STX5: variants seen among roughly 807,000 people sequenced by gnomAD.
STX5 encodes syntaxin-5.
A neutral mutation model predicts 42.9 loss-of-function variants in STX5; 15 were observed. The observed-to-expected ratio is 0.35, with a 90% CI of 0.23 to 0.54. The LOEUF (loss-of-function observed/expected upper bound fraction) is 0.54, where lower values mean the gene tolerates loss of function less well. Ranked by LOEUF, STX5 falls within the 20% of genes least tolerant of loss-of-function variation. The pLI, the probability that STX5 is intolerant of heterozygous loss-of-function variation, is 0.91. For missense variants in STX5, 430 were observed against 455.0 expected (o/e 0.95, Z 0.50); for synonymous variants, 184 against 173.2 (o/e 1.06, Z -0.49).
intron 10 of STX5, among the ~76,000 whole-genome samples, chr11:62,815,367 G>A (rs114162757): frequency 0.014 from 2,182 of 151,832 alleles, 50 homozygotes; most frequent in African/African-American, 0.049. Flanking sequence ...TCGCTCTGTC[G>A]TAACACTCAC....
chr11:62,809,622 G>A (rs2084593056), intron 10 of STX5, among the ~76,000 whole-genome samples: 1 of 135,496 alleles, frequency 7.4e-6, no homozygotes, highest in Non-Finnish European at 1.5e-5. Flanking sequence ...TGCAGTGAGT[G>A]GAGATCGCAC....
intron 10 of STX5, 46 bp downstream of exon 10, chr11:62,824,120 G>A (rs1213068912): frequency 5.0e-6 from 8 of 1,613,108 alleles, no homozygotes; most frequent in Middle Eastern, 1.6e-4. Context: ...GCCAATCCAC[G>A]GGGAAGAGAA....
chr11:62,809,546 C>T (rs1298891779), intron 10 of STX5, among the ~76,000 whole-genome samples: 2 of 150,486 alleles, frequency 1.3e-5, no homozygotes, highest in African/African-American at 4.9e-5. Flanking sequence ...TGGTGGCGGG[C>T]GCCTGTAGTC....
At chr11:62,830,279 G>T in intron 2 of STX5, 1 of 223,298 alleles carries the variant, frequency 4.5e-6, no homozygotes, top group Non-Finnish European at 9.5e-6. Flanking sequence ...GGAATTACAG[G>T]TATGAGCCAC....
At chr11:62,831,771 C>T (rs2084870364) in intron 1 of STX5, among the ~76,000 whole-genome samples, 183 bp downstream of exon 1, 2 of 147,660 alleles carry the variant, frequency 1.4e-5, no homozygotes, top group South Asian at 2.2e-4. Context: ...TTAGCTAAGG[C>T]CGACGTCTCT....
rs758896739 is a variant in STX5 at position 62,807,457 on chromosome 11, A to G, written c.*12T>C. On this transcript the variant is annotated 3_prime_UTR_variant, in exon 11 of 11. Transcript: ENST00000294179. ...CCCAAACCCCAACAGAGTGCCTCAG[A>G]GTAGAGAGGGTTCAAGCAAGGAAGA... The G allele has an allele frequency of 6.2e-7, 1 of 1,612,942 alleles. No individual in the cohort carries two copies. The highest frequency in any genetic ancestry group is 8.5e-7 in the Non-Finnish European group (1 of 1,179,588).
At chr11:62,822,165 C>A (rs1389819979) in intron 10 of STX5, among the ~76,000 whole-genome samples, 6 of 152,174 alleles carry the variant, frequency 3.9e-5, no homozygotes, top group Non-Finnish European at 7.3e-5. Context: ...GAGTCCAAGA[C>A]CAGCCTGGCC....
chr11:62,815,784 G>A lies in STX5; in HGVS notation c.909-8156C>T, dbSNP rs550125809. ...ACTCCTGACCTCAGGTGATCCGCCC[G>A]CTTTGGCCTCCCGAAGTGCTAGGAT... On this transcript the variant is annotated intron_variant, in intron 10 of 10. Transcript: ENST00000294179. Among the ~76,000 whole-genome samples, 70 of 152,142 alleles carry A rather than the reference G, an allele frequency of 4.6e-4. 1 individual carries two copies. The highest frequency in any genetic ancestry group is 3.8e-3 in the Admixed American group (58 of 15,258).
intron 10 of STX5, among the ~76,000 whole-genome samples, chr11:62,813,689 GGATAA>G (rs777135936): frequency 2.4e-4 from 36 of 152,126 alleles, no homozygotes; most frequent in Non-Finnish European, 4.1e-4. Context: ...CCTGCTAAAG[GGATAA>G]GATCAAGTGG....
chr11:62,819,495 T>G (rs919243755), intron 10 of STX5, among the ~76,000 whole-genome samples: 4 of 152,032 alleles, frequency 2.6e-5, no homozygotes, highest in South Asian at 2.1e-4. Flanking sequence ...TTCCTCTTAA[T>G]TTCTTTAAAA....
intron 2 of STX5, chr11:62,830,633 C>T: frequency 2.2e-6 from 1 of 462,248 alleles, no homozygotes; most frequent in Non-Finnish European, 4.2e-6. Context: ...ACTAGATTAA[C>T]TAATTTTCTC....
chr11:62,807,507 T>G lies in STX5; in HGVS notation c.1030A>C (p.Ile344Leu). The G allele has an allele frequency of 3.1e-6, 5 of 1,613,754 alleles. No homozygotes were observed. Among genetic ancestry groups the G allele is most frequent in the Non-Finnish European group, 4.2e-6 (5 of 1,179,922 alleles). ...ACCACAAAGATGATGAAGAAGACAA[T>G]GAGGATGAGGAAGATTTTGACCATG... ...WLMVKIFLIL[I>L]VFFIIFVVFL... Residue 344 changes from isoleucine (I) to leucine (L), a missense_variant, in exon 11 of 11, where the codon ATT becomes CTT. By Grantham distance (5) the Ile-to-Leu change is conservative (BLOSUM62 2). Coordinates refer to ENST00000294179, the MANE Select transcript of STX5 (RefSeq NM_003164.5).
intron 5 of STX5, among the ~76,000 whole-genome samples, chr11:62,826,773 G>C (rs1369719222): frequency 6.6e-6 from 1 of 151,430 alleles, no homozygotes; most frequent in Non-Finnish European, 1.5e-5. Context: ...CCAGCTACTG[G>C]GGAGGCTGAG....
chr11:62,820,676 T>G (rs2084731194), intron 10 of STX5, among the ~76,000 whole-genome samples: 1 of 151,526 alleles, frequency 6.6e-6, no homozygotes, highest in South Asian at 2.1e-4. Flanking sequence ...GCCCGGCTAA[T>G]TTTTTGTCTA....
At chr11:62,817,077 C>T (rs182774362) in intron 10 of STX5, among the ~76,000 whole-genome samples, 2 of 151,800 alleles carry the variant, frequency 1.3e-5, no homozygotes, top group Non-Finnish European at 2.9e-5. Context: ...AGGCACACGC[C>T]ACCATGCCCA....
At position 62,824,203 on chromosome 11, in the gene STX5, C is replaced by T. The variant is rs1286795030; in HGVS notation, c.871G>A (p.Ala291Thr). 2 of 1,614,190 alleles carry T rather than the reference C, an allele frequency of 1.2e-6. No individual in the cohort carries two copies. Among genetic ancestry groups the T allele is most frequent in the South Asian group, 1.1e-5 (1 of 91,084 alleles). Residue 291 changes from alanine to threonine, a missense_variant, in exon 10 of 11, where the codon GCA (alanine) becomes ACA (threonine). By Grantham distance (58) the Ala-to-Thr change is moderately conservative (BLOSUM62 0). Coordinates refer to ENST00000294179, the MANE Select transcript of STX5 (RefSeq NM_003164.5). ...VELGSIFQQL[A>T]HMVKEQEETI... is the part of the protein sequence containing the mutation. Reference sequence around the variant, plus strand: ...TCCTCCTGTTCCTTAACCATGTGTGCCAACTGCTGAAAGATGGAGCCCAAC... The same window carrying T: ...TCCTCCTGTTCCTTAACCATGTGTGTCAACTGCTGAAAGATGGAGCCCAAC...
At chr11:62,829,785 C>A (rs2084835561) in intron 2 of STX5, among the ~76,000 whole-genome samples, 1 of 151,614 alleles carries the variant, frequency 6.6e-6, no homozygotes, top group African/African-American at 2.4e-5. Flanking sequence ...GAGAGAGAGG[C>A]CAGGTGTGGT....
chr11:62,817,774 T>C (rs2084691266), intron 10 of STX5, among the ~76,000 whole-genome samples: 1 of 152,090 alleles, frequency 6.6e-6, no homozygotes, highest in South Asian at 2.1e-4. Context: ...CTGAAAATTA[T>C]CTAAAAAAAT....
At chr11:62,809,823 G>T (rs547796904) in intron 10 of STX5, among the ~76,000 whole-genome samples, 1 of 152,088 alleles carries the variant, frequency 6.6e-6, no homozygotes, top group South Asian at 2.1e-4. Context: ...GAGGGGAAAG[G>T]CTGAATGTGG....
Sources: allele counts gnomAD v4.1 joint callset (sites outside exome capture counted in the v4.1 genomes callset), GRCh38; gene constraint gnomAD v4.1.1; transcripts MANE v1.5; gene names NCBI Gene and HGNC (gene_info 2026-07-23, HGNC 2026-07-21).